The following UGT1A8 variants were observed in gnomAD, a reference collection of about 807,000 sequenced individuals.
UGT1A8 encodes UDP-glucuronosyltransferase 1A8.
Under a neutral mutation model 45.3 loss-of-function variants are expected in UGT1A8, and 39 were observed. The ratio of observed to expected loss-of-function variants is 0.86; its 90% confidence interval spans 0.67 to 1.12. UGT1A8 has a LOEUF of 1.12. UGT1A8 is among the 50% of genes most tolerant of loss of function. UGT1A8 has a pLI of 0.00. For missense variants in UGT1A8, 719 were observed against 664.9 expected (o/e 1.08, Z -0.90); for synonymous variants, 275 against 249.2 (o/e 1.10, Z -0.97).
rs2074241398 is a variant in UGT1A8, at chr2:233,672,778, C to T, written c.855+54216C>T. 1.2e-6 allele frequency: 2 copies of T among 1,613,412 alleles called. No individual in the cohort carries two copies. The highest frequency in any genetic ancestry group is 1.1e-5 in the South Asian group (1 of 91,010). On this transcript the variant is annotated intron_variant, in intron 1 of 4. Transcript: ENST00000373450. The stretch of plus-strand genomic sequence containing the variant: ...TGGTATCAACTGCCATCAGGGAAAG[C>T]CGTTGCCTATGGTAAGTTATCTCTC...
At chr2:233,701,951 A>C (rs1310876599) in intron 1 of UGT1A8, among the ~76,000 whole-genome samples, 1 of 152,230 alleles carries the variant, frequency 6.6e-6, no homozygotes, top group Non-Finnish European at 1.5e-5. Flanking sequence ...AAGCAAGAGC[A>C]AACACATTCA....
chr2:233,664,607 A>G (rs2074037223), intron 1 of UGT1A8, among the ~76,000 whole-genome samples: 1 of 152,206 alleles, frequency 6.6e-6, no homozygotes, highest in Admixed American at 6.5e-5. Context: ...AAGCAGGATC[A>G]AGAGAGAGTT....
At chr2:233,743,662 G>A (rs34622615) in intron 1 of UGT1A8, 13 of 1,367,072 alleles carry the variant, frequency 9.5e-6, no homozygotes, top group African/African-American at 1.5e-5. Context: ...ACTCGAAGGG[G>A]TCCTCGAAGG....
At chr2:233,692,896 A>G (rs1434952658) in intron 1 of UGT1A8, 1 of 1,536,264 alleles carries the variant, frequency 6.5e-7, no homozygotes, top group Non-Finnish European at 8.7e-7. Context: ...AGGGAGAGGT[A>G]GACAGGACCT....
At position 233,728,183 on chromosome 2, in the gene UGT1A8, A is replaced by G. The variant is rs539668176; in HGVS notation, c.856-38851A>G. ...GTTCTGGAGGAACCATTCTTATCAG[A>G]ACTTGGTGCTGGATTGACTTGGAGA... On this transcript the variant is annotated intron_variant, in intron 1 of 4. Coordinates refer to ENST00000373450, the MANE Select transcript of UGT1A8 (RefSeq NM_019076.5). Among the ~76,000 whole-genome samples the G allele has an allele frequency of 2.0e-5, 3 of 152,306 alleles. No individual in the cohort carries two copies. In the South Asian group the frequency reaches 6.2e-4, roughly 32 times the overall value.
At chr2:233,663,310 GC>G (rs1470578320) in intron 1 of UGT1A8, among the ~76,000 whole-genome samples, 4 of 152,192 alleles carry the variant, frequency 2.6e-5, no homozygotes, top group African/African-American at 9.7e-5. Context: ...GTCTCCCCAA[GC>G]AATTTGGGGA....
intron 1 of UGT1A8, among the ~76,000 whole-genome samples, chr2:233,633,714 T>G (rs1462520820): frequency 6.6e-6 from 1 of 152,216 alleles, no homozygotes; most frequent in Admixed American, 6.5e-5. Context: ...TCTTTATTAG[T>G]CTGGCTAGTG....
intron 1 of UGT1A8, among the ~76,000 whole-genome samples, chr2:233,727,543 C>T (rs1033335466): frequency 1.3e-5 from 2 of 152,154 alleles, no homozygotes; most frequent in Admixed American, 6.5e-5. Context: ...GTGTTCCACC[C>T]GTCACCTGGG....
intron 1 of UGT1A8, chr2:233,761,153 T>C (rs772088902): frequency 6.2e-7 from 1 of 1,614,188 alleles, no homozygotes; most frequent in Non-Finnish European, 8.5e-7. Flanking sequence ...CTATCCCAGG[T>C]GTGTATTGGA....
At position 233,747,396 on chromosome 2, in the gene UGT1A8, A is replaced by G. The variant is rs537889953; in HGVS notation, c.856-19638A>G. 2.9e-5 allele frequency: 46 copies of G among 1,606,394 alleles called. 2 individuals carry two copies. In the African/African-American group the frequency reaches 5.6e-4, roughly 20 times the overall value. On this transcript the variant is annotated intron_variant, in intron 1 of 4. Coordinates refer to ENST00000373450, the MANE Select transcript of UGT1A8 (RefSeq NM_019076.5). ...CAGAGGCCACCAGGCGGTGGTCCTCACCCCAGAGGTGAATATGCACATCAA... is the reference window on the plus strand; with the variant it reads ...CAGAGGCCACCAGGCGGTGGTCCTCGCCCCAGAGGTGAATATGCACATCAA...
At chr2:233,746,301 T>C (rs1399652161) in intron 1 of UGT1A8, among the ~76,000 whole-genome samples, 3 of 151,760 alleles carry the variant, frequency 2.0e-5, no homozygotes, top group African/African-American at 7.3e-5. Flanking sequence ...TTTGTTTCCC[T>C]TGGAGGGCCC....
At chr2:233,723,476 C>T (rs1238335619) in intron 1 of UGT1A8, among the ~76,000 whole-genome samples, 1 of 136,266 alleles carries the variant, frequency 7.3e-6, no homozygotes, top group African/African-American at 2.9e-5. Flanking sequence ...TCCCAAAGTG[C>T]TAGGATTCCA....
At chr2:233,757,847 T>C (rs529889907) in intron 1 of UGT1A8, among the ~76,000 whole-genome samples, 12 of 152,082 alleles carry the variant, frequency 7.9e-5, no homozygotes, top group African/African-American at 2.7e-4. Context: ...CTAACTTATG[T>C]CTTCAGCTTA....
chr2:233,647,436 C>T (rs569490863), intron 1 of UGT1A8, among the ~76,000 whole-genome samples: 6 of 152,244 alleles, frequency 3.9e-5, no homozygotes, highest in Admixed American at 2.0e-4. Context: ...TTCTGTTTTC[C>T]GGACTAGATT....
At chr2:233,688,018 A>G (rs1393583749) in intron 1 of UGT1A8, among the ~76,000 whole-genome samples, 7 of 152,374 alleles carry the variant, frequency 4.6e-5, no homozygotes, top group Non-Finnish European at 8.8e-5. Flanking sequence ...ACAATCAACC[A>G]TCACCAATAT....
intron 1 of UGT1A8, chr2:233,682,915 A>T: frequency 6.7e-7 from 1 of 1,486,510 alleles, no homozygotes. Context: ...GGTTTAAGGA[A>T]TTCTTTTGTA....
At position 233,748,031 on chromosome 2, in the gene UGT1A8, G is replaced by A. The variant is rs1285076078; in HGVS notation, c.856-19003G>A. On this transcript the variant is annotated intron_variant, in intron 1 of 4. Transcript: ENST00000373450. ...ACCCCAGGCCGATCATGCCCAACAT[G>A]GTCTTCATTGGGGGCATCAACTGTG... The A allele has an allele frequency of 3.1e-6, 5 of 1,613,428 alleles. No homozygotes were observed. The African/African-American group carries it at 6.7e-5, about 22-fold the overall frequency.
At chr2:233,618,643 G>C in intron 1 of UGT1A8, 81 bp downstream of exon 1, 1 of 1,520,646 alleles carries the variant, frequency 6.6e-7, no homozygotes, top group Non-Finnish European at 8.8e-7. Flanking sequence ...ATTGTGATTT[G>C]ACATTTTCAT....
intron 1 of UGT1A8, among the ~76,000 whole-genome samples, chr2:233,718,195 A>C (rs1455631272): frequency 6.6e-6 from 1 of 152,034 alleles, no homozygotes; most frequent in Non-Finnish European, 1.5e-5. Flanking sequence ...GCCTCCCCGG[A>C]GCTTTTTTTT....
Sources: allele counts gnomAD v4.1 joint callset (sites outside exome capture counted in the v4.1 genomes callset), GRCh38; gene constraint gnomAD v4.1.1; transcripts MANE v1.5; gene names NCBI Gene and HGNC (gene_info 2026-07-23, HGNC 2026-07-21).